Variants in PTPRD observed in about 807,000 individuals in gnomAD.
The protein encoded by PTPRD is protein tyrosine phosphatase receptor type D.
A neutral mutation model predicts 214.5 loss-of-function variants in PTPRD; 34 were observed. That is an observed-to-expected ratio of 0.16 (90% confidence interval 0.12 to 0.21). The LOEUF is 0.21. Among genes scored for constraint, PTPRD ranks in the 10% least tolerant of loss-of-function variants. The pLI is 1.00. For synonymous variants in PTPRD, 1,128 were observed against 845.7 expected (o/e 1.33, Z -5.79); for missense variants, 2,545 against 2,398.7 (o/e 1.06, Z -1.27).
intron 5 of PTPRD, among the ~76,000 whole-genome samples, chr9:9,930,328 T>A (rs753771857): frequency 1.3e-5 from 2 of 151,874 alleles, no homozygotes; most frequent in Admixed American, 1.3e-4. Flanking sequence ...ACACAGAGAA[T>A]AAAAAGGGCA....
chr9:10,050,226 G>A (rs934570867), intron 3 of PTPRD, among the ~76,000 whole-genome samples: 3 of 151,870 alleles, frequency 2.0e-5, no homozygotes, highest in Non-Finnish European at 4.4e-5. Flanking sequence ...AGGTGGGGAT[G>A]TGCTTGGCCA....
chr9:8,826,905 G>A (rs1360519522), intron 11 of PTPRD, among the ~76,000 whole-genome samples: 1 of 151,938 alleles, frequency 6.6e-6, no homozygotes, highest in East Asian at 1.9e-4. Context: ...AAAAGCTTAT[G>A]GGATACCCAA....
At chr9:10,475,851 C>T (rs778584316) in intron 2 of PTPRD, among the ~76,000 whole-genome samples, 1 of 151,588 alleles carries the variant, frequency 6.6e-6, no homozygotes, top group Non-Finnish European at 1.5e-5. Flanking sequence ...TGTAATCCAT[C>T]ATATAAGTAG....
chr9:10,056,569 C>T (rs1003675758), intron 3 of PTPRD, among the ~76,000 whole-genome samples: 2 of 151,910 alleles, frequency 1.3e-5, no homozygotes, highest in African/African-American at 2.4e-5. Flanking sequence ...AGTCAGTTTG[C>T]TTTTAAAACA....
At chr9:9,773,499 A>T (rs111262856) in intron 5 of PTPRD, among the ~76,000 whole-genome samples, 1 of 152,294 alleles carries the variant, frequency 6.6e-6, no homozygotes, top group African/African-American at 2.4e-5. Flanking sequence ...AATCTTCCTT[A>T]ATTCTCTAAG....
intron 8 of PTPRD, among the ~76,000 whole-genome samples, chr9:9,553,249 A>G: frequency 6.6e-6 from 1 of 152,122 alleles, no homozygotes; most frequent in East Asian, 1.9e-4. Context: ...AGAAATTGTT[A>G]TACGGATTTA....
intron 2 of PTPRD, among the ~76,000 whole-genome samples, chr9:10,509,819 T>C (rs923395874): frequency 6.9e-4 from 105 of 151,818 alleles, no homozygotes; most frequent in African/African-American, 2.5e-3. Context: ...GGAGCTAAGA[T>C]ATATATGCAT....
intron 10 of PTPRD, among the ~76,000 whole-genome samples, chr9:9,182,473 T>C (rs1050850176): frequency 1.3e-5 from 2 of 152,038 alleles, no homozygotes; most frequent in African/African-American, 4.8e-5. Context: ...TTTAAGTTTA[T>C]CTTATTCATC....
chr9:8,527,535 G>T (rs995747117), intron 15 of PTPRD, among the ~76,000 whole-genome samples, 182 bp from the exon 16 acceptor site: 1 of 151,904 alleles, frequency 6.6e-6, no homozygotes, highest in Non-Finnish European at 1.5e-5. Flanking sequence ...CTGACAACAA[G>T]CAAAAGAGGC....
At chr9:10,195,882 G>C (rs966783010) in intron 3 of PTPRD, among the ~76,000 whole-genome samples, 3 of 152,084 alleles carry the variant, frequency 2.0e-5, no homozygotes, top group African/African-American at 7.2e-5. Context: ...ACTATGTTAA[G>C]TAAAAGTAGC....
At chr9:9,071,467 C>G (rs1353590235) in intron 10 of PTPRD, among the ~76,000 whole-genome samples, 2 of 152,124 alleles carry the variant, frequency 1.3e-5, no homozygotes, top group East Asian at 3.9e-4. Flanking sequence ...AGGAGAGAGT[C>G]TTCTTGCTGG....
intron 3 of PTPRD, among the ~76,000 whole-genome samples, chr9:10,319,833 G>A (rs1336536590): frequency 1.3e-5 from 2 of 152,012 alleles, no homozygotes; most frequent in African/African-American, 4.8e-5. Flanking sequence ...AGGATGTCAG[G>A]CTAGGGGTTT....
At chr9:9,083,514 C>T (rs2099762236) in intron 10 of PTPRD, among the ~76,000 whole-genome samples, 1 of 152,018 alleles carries the variant, frequency 6.6e-6, no homozygotes, top group Non-Finnish European at 1.5e-5. Context: ...ATGACTAAAA[C>T]ATCAAAGCAA....
intron 12 of PTPRD, among the ~76,000 whole-genome samples, chr9:8,720,519 T>C (rs956345910): frequency 2.6e-5 from 4 of 151,982 alleles, no homozygotes; most frequent in African/African-American, 9.7e-5. Flanking sequence ...TGATGATGAG[T>C]AAAAAGTGAC....
chr9:9,745,400 T>C (rs1194288268), intron 6 of PTPRD, among the ~76,000 whole-genome samples: 1 of 152,098 alleles, frequency 6.6e-6, no homozygotes, highest in East Asian at 1.9e-4. Context: ...GAGAGGCAAG[T>C]AGCACAAAGA....
chr9:9,267,977 A>T (rs1421970801), intron 9 of PTPRD, among the ~76,000 whole-genome samples: 1 of 151,226 alleles, frequency 6.6e-6, no homozygotes, highest in Admixed American at 6.6e-5. Flanking sequence ...CAAGACAAGG[A>T]TGTCCACTCT....
intron 4 of PTPRD, among the ~76,000 whole-genome samples, chr9:9,980,985 C>T (rs2095524935): frequency 6.6e-6 from 1 of 152,148 alleles, no homozygotes; most frequent in Non-Finnish European, 1.5e-5. Flanking sequence ...AGAAAAGTCT[C>T]ACACTATTCA....
rs545589744 is a variant in PTPRD, at chr9:10,273,953, G to A, written c.-545+67010C>T. Among the ~76,000 whole-genome samples, 5 of 148,014 alleles carry A rather than the reference G, an allele frequency of 3.4e-5. No individual in the cohort carries two copies. The East Asian group carries it at 1.0e-3, about 30-fold the overall frequency. On this transcript the variant is annotated intron_variant, in intron 3 of 45. Coordinates refer to ENST00000381196, the MANE Select transcript of PTPRD (RefSeq NM_002839.4). ...GCTAACTCAGTGTAACAATAGCTAT[G>A]TAATGTAGTTTTTAAAATCCTCATG...
chr9:9,091,064 C>T (rs978526269), intron 10 of PTPRD: 77 of 1,504,156 alleles, frequency 5.1e-5, no homozygotes, highest in South Asian at 2.8e-4. Context: ...ATTTCTGAAG[C>T]GAGCGTCTTC....
Sources: allele counts gnomAD v4.1 joint callset (sites outside exome capture counted in the v4.1 genomes callset), GRCh38; gene constraint gnomAD v4.1.1; transcripts MANE v1.5; gene names NCBI Gene and HGNC (gene_info 2026-07-23, HGNC 2026-07-21).